The following PREX1 variants were observed in gnomAD, a reference collection of about 807,000 sequenced individuals.
PREX1 encodes the protein phosphatidylinositol-3,4,5-trisphosphate dependent Rac exchange factor 1, also known as phosphatidylinositol 3,4,5-trisphosphate-dependent Rac exchanger 1 protein.
A neutral mutation model predicts 198.3 loss-of-function variants in PREX1; 41 were observed. The observed-to-expected ratio is 0.21, with a 90% CI of 0.16 to 0.27. PREX1 has a LOEUF of 0.27. Ranked by LOEUF, PREX1 falls within the 10% of genes least tolerant of loss-of-function variation. The probability of loss-of-function intolerance (pLI) is 1.00; values close to 1 mark genes in which losing one functional copy is unlikely to be tolerated. For synonymous variants in PREX1, 843 were observed against 887.2 expected (o/e 0.95, Z 0.89); for missense variants, 1,620 against 2,200.7 (o/e 0.74, Z 5.28).
At chr20:48,861,714 T>C in the PREX1 span, among the ~76,000 whole-genome samples, 834 of 152,296 alleles carry the variant, frequency 5.5e-3, 3 homozygotes, top group African/African-American at 0.019. Context: ...GACTCTCCTT[T>C]TTTAACTCCA....
At chr20:48,734,502 G>A (rs1479177236) in intron 4 of PREX1, 44 bp downstream of exon 4, 2 of 1,532,784 alleles carry the variant, frequency 1.3e-6, no homozygotes, top group East Asian at 2.3e-5. Flanking sequence ...CCACAAGGAT[G>A]AGGCCGAGTG....
chr20:48,884,343 G>A, the PREX1 span, among the ~76,000 whole-genome samples: 5 of 152,152 alleles, frequency 3.3e-5, no homozygotes, highest in African/African-American at 9.7e-5. Flanking sequence ...AGACAGATAA[G>A]TCAATGGAAC....
At chr20:48,710,467 A>C (rs2089925260) in intron 5 of PREX1, among the ~76,000 whole-genome samples, 1 of 152,096 alleles carries the variant, frequency 6.6e-6, no homozygotes, top group Non-Finnish European at 1.5e-5. Flanking sequence ...TTTGATCCTC[A>C]TGTCAACTCT....
At chr20:48,715,166 G>A (rs1041520489) in intron 5 of PREX1, among the ~76,000 whole-genome samples, 2 of 152,184 alleles carry the variant, frequency 1.3e-5, no homozygotes, top group Non-Finnish European at 2.9e-5. Context: ...TTTCTGGAAG[G>A]AACCCAAGAG....
At chr20:48,845,184 C>T in the PREX1 span, among the ~76,000 whole-genome samples, 1 of 152,166 alleles carries the variant, frequency 6.6e-6, no homozygotes, top group Non-Finnish European at 1.5e-5. Flanking sequence ...AACACAGTGA[C>T]TAAGACAAAG....
chr20:48,879,573 G>A, the PREX1 span, among the ~76,000 whole-genome samples: 5 of 152,094 alleles, frequency 3.3e-5, no homozygotes, highest in South Asian at 2.1e-4. Context: ...TATGATTAGC[G>A]TCTCATTCAT....
At position 48,624,659 on chromosome 20, in the gene PREX1, AG is replaced by A. The variant is rs1391380777; in HGVS notation, c.*1225del. The A allele has an allele frequency of 6.6e-6, 1 of 152,424 alleles. No homozygotes were observed. Among genetic ancestry groups the A allele is most frequent in the East Asian group, 1.9e-4 (1 of 5,190 alleles). The allele number at this position is 152,424 out of a possible 1,614,324, so 9.4% of individuals were successfully genotyped here. On this transcript the variant is annotated 3_prime_UTR_variant, in exon 40 of 40. Coordinates refer to ENST00000371941, the MANE Select transcript of PREX1 (RefSeq NM_020820.4). ...CCGAAGCTGGGGGGACAAACTGCCG[AG>A]GGGGCTTGTGTGGGTCCCTCCTCCC...
chr20:48,647,140 G>A (rs562751650), intron 25 of PREX1, among the ~76,000 whole-genome samples: 1 of 152,314 alleles, frequency 6.6e-6, no homozygotes, highest in African/African-American at 2.4e-5. Flanking sequence ...TGAGGCAGGA[G>A]GATCACTTGA....
At chr20:48,838,451 A>G in the PREX1 span, among the ~76,000 whole-genome samples, 1 of 152,262 alleles carries the variant, frequency 6.6e-6, no homozygotes, top group Non-Finnish European at 1.5e-5. Context: ...GCATTGCAGC[A>G]TCATTTATAA....
At chr20:48,816,861 T>C (rs924424704) in intron 1 of PREX1, among the ~76,000 whole-genome samples, 2 of 152,150 alleles carry the variant, frequency 1.3e-5, no homozygotes, top group Admixed American at 6.5e-5. Flanking sequence ...CCCAGTTACA[T>C]TGCACCCAGA....
At chr20:48,677,183 C>T (rs6090890) in intron 13 of PREX1, among the ~76,000 whole-genome samples, 3 of 152,228 alleles carry the variant, frequency 2.0e-5, no homozygotes, top group Non-Finnish European at 4.4e-5. Flanking sequence ...CAGCCGCTTC[C>T]TTCTTTGAGG....
chr20:48,869,045 T>G, the PREX1 span, among the ~76,000 whole-genome samples: 1 of 151,958 alleles, frequency 6.6e-6, no homozygotes, highest in South Asian at 2.1e-4. Flanking sequence ...CCTGGCTAAT[T>G]TTTTTATTTG....
At chr20:48,832,336 C>T (rs1368681306), upstream of PREX1, among the ~76,000 whole-genome samples, 1 of 152,184 alleles carries the variant, frequency 6.6e-6, no homozygotes, top group African/African-American at 2.4e-5. Flanking sequence ...CCCCTGTCAG[C>T]TTCTGCAGGC....
At chr20:48,814,781 T>C (rs1600532508) in intron 1 of PREX1, among the ~76,000 whole-genome samples, 1 of 152,160 alleles carries the variant, frequency 6.6e-6, no homozygotes, top group Non-Finnish European at 1.5e-5. Context: ...AATGGCAGGG[T>C]GTTGGAGCTA....
At chr20:48,776,065 CT>C (rs1465224041) in intron 1 of PREX1, among the ~76,000 whole-genome samples, 32 of 152,236 alleles carry the variant, frequency 2.1e-4, no homozygotes, top group African/African-American at 7.7e-4. Flanking sequence ...GCATCACATC[CT>C]CACCAATGGA....
chr20:48,721,730 G>C (rs1429362394), intron 5 of PREX1, among the ~76,000 whole-genome samples: 2 of 152,234 alleles, frequency 1.3e-5, no homozygotes, highest in Non-Finnish European at 2.9e-5. Context: ...GGAGCAGCCT[G>C]CAGAGGACAA....
intron 4 of PREX1, among the ~76,000 whole-genome samples, chr20:48,727,696 C>T (rs6066828): frequency 0.071 from 10,847 of 152,158 alleles, 497 homozygotes; most frequent in South Asian, 0.18. Flanking sequence ...GGGTTGACAC[C>T]GAGTCTGGGA....
At chr20:48,879,100 C>T in the PREX1 span, among the ~76,000 whole-genome samples, 1 of 152,138 alleles carries the variant, frequency 6.6e-6, no homozygotes, top group Non-Finnish European at 1.5e-5. Context: ...GTAGTAGGTA[C>T]CCTTCTTTGC....
intron 25 of PREX1, among the ~76,000 whole-genome samples, chr20:48,649,060 G>A (rs73326935): frequency 0.018 from 2,678 of 152,300 alleles, 88 homozygotes; most frequent in African/African-American, 0.062. Context: ...CTCAGTCAGG[G>A]ATGATTTTCC....
Sources: allele counts gnomAD v4.1 joint callset (sites outside exome capture counted in the v4.1 genomes callset), GRCh38; gene constraint gnomAD v4.1.1; transcripts MANE v1.5; gene names NCBI Gene and HGNC (gene_info 2026-07-23, HGNC 2026-07-21).